The following CCBE1 variants were observed in gnomAD, a reference collection of about 807,000 sequenced individuals.
CCBE1 encodes the protein collagen and calcium-binding EGF domain-containing protein 1.
In CCBE1, 37 loss-of-function variants were observed where a neutral mutation model predicts 50.0. The ratio of observed to expected loss-of-function variants is 0.74; its 90% CI spans 0.57 to 0.97. The LOEUF is 0.97. Ranked by LOEUF, CCBE1 falls within the 50% of genes least tolerant of loss-of-function variation. CCBE1 has a pLI of 0.00. For synonymous variants in CCBE1, 234 were observed against 203.7 expected (o/e 1.15, Z -1.27); for missense variants, 538 against 523.8 (o/e 1.03, Z -0.26).
At chr18:59,464,223 T>G (rs1244100540) in intron 5 of CCBE1, among the ~76,000 whole-genome samples, 1 of 152,046 alleles carries the variant, frequency 6.6e-6, no homozygotes, top group Non-Finnish European at 1.5e-5. Context: ...TCACCTGAGG[T>G]CAAGGAGTTT....
Position 59,434,477 on chromosome 18 carries a change from C to G in CCBE1, c.*1431G>C, listed in dbSNP as rs1460188877. On this transcript the variant is annotated 3_prime_UTR_variant, in exon 11 of 11. Transcript: ENST00000439986. ...TCAACAACGTTACAAAGGAGCAGAT[C>G]ATCCTTCTGGTCTCTTGCTCCTGGT... The G allele has an allele frequency of 6.6e-6, 1 of 152,192 alleles. No individual in the cohort carries two copies. The highest frequency in any genetic ancestry group is 1.5e-5 in the Non-Finnish European group (1 of 68,050). 9.4% of individuals were successfully genotyped at this position (152,192 alleles called of 1,614,324 possible).
At chr18:59,485,738 G>A (rs1300288496) in intron 2 of CCBE1, among the ~76,000 whole-genome samples, 1 of 151,902 alleles carries the variant, frequency 6.6e-6, no homozygotes, top group East Asian at 1.9e-4. Flanking sequence ...AGTATCCTGA[G>A]TAGCTGGGAT....
At chr18:59,681,049 GAA>G (rs34876275) in intron 2 of CCBE1, among the ~76,000 whole-genome samples, 6 of 85,464 alleles carry the variant, frequency 7.0e-5, no homozygotes, top group Admixed American at 1.2e-4. Context: ...ATTTGGCTGA[GAA>G]AAAAAAAAAA....
intron 2 of CCBE1, among the ~76,000 whole-genome samples, chr18:59,648,158 GC>G (rs2054080070): frequency 6.6e-6 from 1 of 152,260 alleles, no homozygotes; most frequent in Non-Finnish European, 1.5e-5. Context: ...AATAAGAATA[GC>G]TTGCTGAGCA....
At chr18:59,482,097 T>A (rs572967161) in intron 2 of CCBE1, among the ~76,000 whole-genome samples, 1 of 152,308 alleles carries the variant, frequency 6.6e-6, no homozygotes, top group East Asian at 1.9e-4. Flanking sequence ...TGTCCCTGTG[T>A]CCATGTGTTC....
intron 2 of CCBE1, among the ~76,000 whole-genome samples, chr18:59,609,803 C>G (rs1414859737): frequency 6.6e-6 from 1 of 152,134 alleles, no homozygotes; most frequent in Non-Finnish European, 1.5e-5. Context: ...TAAAACATAC[C>G]AGAAAACCTA....
intron 2 of CCBE1, among the ~76,000 whole-genome samples, chr18:59,511,179 CAACTAT>C (rs1226229826): frequency 2.0e-5 from 3 of 152,226 alleles, no homozygotes; most frequent in Non-Finnish European, 4.4e-5. Context: ...CAAGTACTGG[CAACTAT>C]ACCCTAACTG....
chr18:59,607,355 A>G (rs1036570031), intron 2 of CCBE1, among the ~76,000 whole-genome samples: 1 of 152,208 alleles, frequency 6.6e-6, no homozygotes, highest in African/African-American at 2.4e-5. Flanking sequence ...TGGGTGGATG[A>G]TTCCACAGAC....
chr18:59,673,610 A>G (rs754986068), intron 2 of CCBE1, among the ~76,000 whole-genome samples: 8 of 152,228 alleles, frequency 5.3e-5, no homozygotes, highest in Non-Finnish European at 8.8e-5. Context: ...TTTGACATAC[A>G]TTCCATCAAT....
At chr18:59,590,817 A>G (rs2053253720) in intron 2 of CCBE1, among the ~76,000 whole-genome samples, 1 of 152,248 alleles carries the variant, frequency 6.6e-6, no homozygotes, top group Non-Finnish European at 1.5e-5. Flanking sequence ...CCATTAGTAA[A>G]AAGATAAAAT....
intron 2 of CCBE1, among the ~76,000 whole-genome samples, chr18:59,567,274 C>T (rs548665707): frequency 6.6e-6 from 1 of 151,570 alleles, no homozygotes; most frequent in East Asian, 1.9e-4. Context: ...TACCCAGCTA[C>T]CCTACCCACC....
intron 2 of CCBE1, among the ~76,000 whole-genome samples, chr18:59,615,489 C>T (rs982807676): frequency 2.9e-5 from 4 of 137,362 alleles, no homozygotes; most frequent in South Asian, 4.9e-4. Flanking sequence ...CCTGTCCTGA[C>T]CAACTGTCGG....
intron 2 of CCBE1, among the ~76,000 whole-genome samples, chr18:59,609,795 A>G (rs560761577): frequency 6.6e-6 from 1 of 152,338 alleles, no homozygotes; most frequent in Non-Finnish European, 1.5e-5. Flanking sequence ...TCAATTCTTA[A>G]AACATACCAG....
intron 2 of CCBE1, among the ~76,000 whole-genome samples, chr18:59,655,415 ATGTCAAG>A (rs2054176680): frequency 6.6e-6 from 1 of 152,178 alleles, no homozygotes; most frequent in South Asian, 2.1e-4. Context: ...GAGTGGAAAC[ATGTCAAG>A]TGTCATGAGG....
chr18:59,661,535 T>TGAGTTAC (rs147761784), intron 2 of CCBE1, among the ~76,000 whole-genome samples: 4,021 of 152,210 alleles, frequency 0.026, 192 homozygotes, highest in African/African-American at 0.092. Context: ...GAAGGTAACC[T>TGAGTTAC]CAGAAACTGA....
At chr18:59,532,289 C>A (rs112717432) in intron 2 of CCBE1, among the ~76,000 whole-genome samples, 4,735 of 152,268 alleles carry the variant, frequency 0.031, 236 homozygotes, top group African/African-American at 0.11. Context: ...AGGTGATCTG[C>A]CTGTCTCAGC....
At chr18:59,574,809 G>T (rs1214327319) in intron 2 of CCBE1, among the ~76,000 whole-genome samples, 1 of 152,068 alleles carries the variant, frequency 6.6e-6, no homozygotes, top group Non-Finnish European at 1.5e-5. Flanking sequence ...CTGTTAAAAA[G>T]AATTAACACA....
At chr18:59,631,505 C>T (rs2053848140) in intron 2 of CCBE1, among the ~76,000 whole-genome samples, 2 of 152,068 alleles carry the variant, frequency 1.3e-5, no homozygotes, top group Admixed American at 1.3e-4. Flanking sequence ...GATTAAAAGG[C>T]ACTTATGGAA....
chr18:59,506,687 G>A (rs1388879025), intron 2 of CCBE1, among the ~76,000 whole-genome samples: 1 of 152,196 alleles, frequency 6.6e-6, no homozygotes, highest in African/African-American at 2.4e-5. Flanking sequence ...CCAACAGGAA[G>A]CCAGGGGCAG....
Sources: gnomAD v4.1 joint callset for allele counts (sites outside exome capture counted in the v4.1 genomes callset) on GRCh38, gnomAD v4.1.1 for gene constraint, MANE v1.5 for transcripts, NCBI Gene and HGNC (gene_info 2026-07-23, HGNC 2026-07-21) for gene names.